Variants in CTNNA3 observed in about 807,000 individuals in gnomAD.
CTNNA3 encodes the protein catenin alpha-3.
In CTNNA3, 76 loss-of-function variants were observed where a neutral mutation model predicts 95.7. The observed-to-expected ratio is 0.79, with a 90% confidence interval of 0.66 to 0.96. CTNNA3 has a LOEUF of 0.96. CTNNA3 is among the 40% of genes least tolerant of loss of function. The pLI is 0.00. For synonymous variants in CTNNA3, 431 were observed against 374.4 expected (o/e 1.15, Z -1.74); for missense variants, 1,191 against 1,089.8 (o/e 1.09, Z -1.31).
chr10:66,659,629 G>C (rs1489443777), intron 9 of CTNNA3, among the ~76,000 whole-genome samples: 3 of 152,138 alleles, frequency 2.0e-5, no homozygotes, highest in Admixed American at 1.3e-4. Context: ...GGACCTTTGG[G>C]AGGTGGATGG....
At chr10:67,318,135 T>C (rs1040750682) in intron 5 of CTNNA3, among the ~76,000 whole-genome samples, 1 of 152,160 alleles carries the variant, frequency 6.6e-6, no homozygotes, top group South Asian at 2.1e-4. Flanking sequence ...TTTTACCCCC[T>C]ACTTACTCAG....
chr10:66,821,377 T>G (rs932659513), intron 7 of CTNNA3, among the ~76,000 whole-genome samples: 1 of 152,046 alleles, frequency 6.6e-6, no homozygotes, highest in Non-Finnish European at 1.5e-5. Context: ...AATATCTCAG[T>G]GAGTATAACA....
intron 11 of CTNNA3, among the ~76,000 whole-genome samples, chr10:66,445,433 C>A (rs1358976971): frequency 6.6e-6 from 1 of 152,160 alleles, no homozygotes; most frequent in Non-Finnish European, 1.5e-5. Context: ...GTAAAGCACT[C>A]CTCAGCAAAT....
rs561562782 is a variant in CTNNA3 at position 66,663,420 on chromosome 10, T to A, written c.1282-41636A>T. Reference sequence around the variant, plus strand: ...ATATTTTCATGACTTTCTCACTTAGTTTCTTACTTCTATGCAAAAATGTCC... The same window carrying A: ...ATATTTTCATGACTTTCTCACTTAGATTCTTACTTCTATGCAAAAATGTCC... On this transcript the variant is annotated intron_variant, in intron 9 of 17. Coordinates refer to ENST00000433211, the MANE Select transcript of CTNNA3 (RefSeq NM_013266.4). Among the ~76,000 whole-genome samples, 245 of 151,512 alleles carry A rather than the reference T, an allele frequency of 1.6e-3. 1 individual carries two copies. The highest frequency in any genetic ancestry group is 5.6e-3 in the African/African-American group (230 of 41,240).
chr10:66,329,156 G>A (rs912502330), intron 12 of CTNNA3, among the ~76,000 whole-genome samples: 7 of 151,098 alleles, frequency 4.6e-5, no homozygotes, highest in Admixed American at 6.6e-5. Flanking sequence ...TCACCATATC[G>A]GCCAGGCTGG....
intron 7 of CTNNA3, among the ~76,000 whole-genome samples, chr10:67,158,108 TG>T (rs537216238): frequency 8.5e-4 from 129 of 152,158 alleles, no homozygotes; most frequent in African/African-American, 2.6e-3. Flanking sequence ...TACACTAAGC[TG>T]CCTGACCAGT....
intron 5 of CTNNA3, among the ~76,000 whole-genome samples, chr10:67,428,786 G>A (rs1193463534): frequency 1.3e-5 from 2 of 151,940 alleles, no homozygotes; most frequent in Non-Finnish European, 1.5e-5. Context: ...AATGTGAAAA[G>A]GGGAGAGATG....
intron 2 of CTNNA3, among the ~76,000 whole-genome samples, chr10:67,624,523 C>T (rs190880642): frequency 6.6e-6 from 1 of 152,310 alleles, no homozygotes; most frequent in African/African-American, 2.4e-5. Flanking sequence ...TCCTACTATT[C>T]CCCTGTGTTA....
chr10:67,697,938 A>T (rs1376885004), upstream of CTNNA3, among the ~76,000 whole-genome samples: 1 of 152,186 alleles, frequency 6.6e-6, no homozygotes, highest in African/African-American at 2.4e-5. Context: ...CACCTATGTC[A>T]AATTTCCATA....
At chr10:66,790,108 A>G (rs1269011494) in intron 7 of CTNNA3, among the ~76,000 whole-genome samples, 3 of 152,094 alleles carry the variant, frequency 2.0e-5, no homozygotes, top group Non-Finnish European at 4.4e-5. Context: ...CAGGACTATG[A>G]CTCTATAGAC....
intron 7 of CTNNA3, among the ~76,000 whole-genome samples, chr10:66,942,838 T>A (rs1235860047): frequency 6.6e-6 from 1 of 152,186 alleles, no homozygotes; most frequent in Non-Finnish European, 1.5e-5. Flanking sequence ...ACAATATCAA[T>A]ATTTATGTTT....
At chr10:66,097,282 T>C (rs2081431778) in intron 14 of CTNNA3, among the ~76,000 whole-genome samples, 1 of 152,158 alleles carries the variant, frequency 6.6e-6, no homozygotes, top group Non-Finnish European at 1.5e-5. Flanking sequence ...GAGAGATTTG[T>C]ATTTACAAAG....
chr10:66,267,141 T>C (rs888861505), intron 13 of CTNNA3, among the ~76,000 whole-genome samples: 2 of 152,084 alleles, frequency 1.3e-5, no homozygotes, highest in African/African-American at 4.8e-5. Context: ...TTGAACACTC[T>C]ATACTAAGCC....
chr10:67,605,179 T>C (rs1319466360), intron 3 of CTNNA3, among the ~76,000 whole-genome samples: 7 of 152,154 alleles, frequency 4.6e-5, no homozygotes, highest in African/African-American at 1.7e-4. Context: ...AATTGGTCTA[T>C]ATATACAAAG....
chr10:67,456,981 C>T (rs1847197406), intron 5 of CTNNA3, among the ~76,000 whole-genome samples: 1 of 152,092 alleles, frequency 6.6e-6, no homozygotes, highest in African/African-American at 2.4e-5. Flanking sequence ...GACTCCACCT[C>T]ATGTTTTCTA....
chr10:65,994,651 TCTATTTGGGG>T (rs1244395897), intron 15 of CTNNA3, among the ~76,000 whole-genome samples: 1 of 152,166 alleles, frequency 6.6e-6, no homozygotes, highest in Non-Finnish European at 1.5e-5. Flanking sequence ...TTGAGTTGAA[TCTATTTGGGG>T]CTCTTTAAGC....
intron 7 of CTNNA3, among the ~76,000 whole-genome samples, chr10:67,043,792 A>G (rs1279587869): frequency 6.6e-6 from 1 of 152,132 alleles, no homozygotes; most frequent in Non-Finnish European, 1.5e-5. Context: ...GGTTTTATGC[A>G]CAGCAACTCA....
At chr10:66,907,501 T>A (rs1846037732) in intron 7 of CTNNA3, among the ~76,000 whole-genome samples, 1 of 152,188 alleles carries the variant, frequency 6.6e-6, no homozygotes, top group Non-Finnish European at 1.5e-5. Context: ...AGGGTTGATA[T>A]CCTTTCAGTT....
intron 1 of CTNNA3, among the ~76,000 whole-genome samples, chr10:67,680,270 GTA>G (rs1314525866): frequency 6.6e-6 from 1 of 152,176 alleles, no homozygotes; most frequent in Non-Finnish European, 1.5e-5. Context: ...AAAATCACTG[GTA>G]AGGGTAAGGG....
Sources: allele counts gnomAD v4.1 joint callset (sites outside exome capture counted in the v4.1 genomes callset), GRCh38; gene constraint gnomAD v4.1.1; transcripts MANE v1.5; gene names NCBI Gene and HGNC (gene_info 2026-07-23, HGNC 2026-07-21).